The following SKOR2 variants were observed in gnomAD, a reference collection of about 807,000 sequenced individuals.
SKOR2 encodes SKI family transcriptional corepressor 2, also known as LBX1 corepressor 1-like protein.
Under a neutral mutation model 69.1 loss-of-function variants are expected in SKOR2, and 47 were observed. The observed-to-expected ratio is 0.68, with a 90% confidence interval of 0.54 to 0.87. The LOEUF (loss-of-function observed/expected upper bound fraction) is 0.87, where lower values mean the gene tolerates loss of function less well. Among genes scored for constraint, SKOR2 ranks in the 40% least tolerant of loss-of-function variants. SKOR2 has a pLI of 0.00. For synonymous variants in SKOR2, 717 were observed against 672.6 expected (o/e 1.07, Z -1.02); for missense variants, 1,404 against 1,472.2 (o/e 0.95, Z 0.76).
chr18:47,245,495 T>TTTTTTTTTTTTTTTAAATTA lies in SKOR2; in HGVS notation c.2677+2_2677+3insTAATTTAAAAAAAAAAAAAA. The TTTTTTTTTTTTTTTAAATTA allele has an allele frequency of 6.8e-7, 1 of 1,470,346 alleles. No individual in the cohort carries two copies. The highest frequency in any genetic ancestry group is 9.0e-7 in the Non-Finnish European group (1 of 1,116,556). 91.1% of individuals were successfully genotyped at this position (1,470,346 alleles called of 1,614,324 possible). A position where few individuals can be genotyped will look rare whatever the true frequency, so the allele number is the denominator to read the frequency against. ...GGCAGCTGATTTTTTTTTTTTTTTTTACCTGAAAAGCTGTTGTCATCCTTT... is the reference window on the plus strand; with the variant it reads ...GGCAGCTGATTTTTTTTTTTTTTTTTTTTTTTTTTTTTTTAAATTAACCTGAAAAGCTGTTGTCATCCTTT... On this transcript the variant is annotated splice_region_variant and intron_variant, in intron 3 of 8. Coordinates refer to ENST00000425639, the MANE Select transcript of SKOR2 (RefSeq NM_001278063.4).
chr18:47,242,022 TG>T (rs1318066397), intron 4 of SKOR2, among the ~76,000 whole-genome samples: 3 of 152,226 alleles, frequency 2.0e-5, no homozygotes, highest in African/African-American at 7.2e-5. Flanking sequence ...ACACCGATCC[TG>T]ACTGTACTTT....
intron 7 of SKOR2, among the ~76,000 whole-genome samples, chr18:47,212,797 GCT>G (rs2064131715): frequency 6.6e-6 from 1 of 151,774 alleles, no homozygotes; most frequent in South Asian, 2.1e-4. Flanking sequence ...ACATAGGAAG[GCT>G]CTGTCTCTAT....
At chr18:47,240,285 T>C (rs1278500291) in intron 4 of SKOR2, among the ~76,000 whole-genome samples, 1 of 152,208 alleles carries the variant, frequency 6.6e-6, no homozygotes, top group Non-Finnish European at 1.5e-5. Context: ...CTTTGAGCTG[T>C]CTTACCAGCT....
At chr18:47,208,003 T>C (rs937571208) in intron 8 of SKOR2, among the ~76,000 whole-genome samples, 3 of 152,142 alleles carry the variant, frequency 2.0e-5, no homozygotes, top group African/African-American at 7.2e-5. Flanking sequence ...AGAGAGAATA[T>C]AGCAGAAAAT....
chr18:47,249,603 T>C (rs2064303929), intron 1 of SKOR2, among the ~76,000 whole-genome samples: 2 of 152,330 alleles, frequency 1.3e-5, no homozygotes, highest in South Asian at 4.1e-4. Flanking sequence ...TAATAAAAGT[T>C]ACGGAAAACT....
In SKOR2 at chr18:47,247,501, G is replaced by C; in HGVS notation, c.1683C>G (p.Pro561=). 1 of 1,209,490 alleles carries C rather than the reference G, an allele frequency of 8.3e-7. No homozygotes were observed. Among genetic ancestry groups the C allele is most frequent in the Non-Finnish European group, 1.0e-6 (1 of 974,696 alleles). The allele number at this position is 1,209,490 out of a possible 1,614,324, so 74.9% of individuals were successfully genotyped here. A position where few individuals can be genotyped will look rare whatever the true frequency, so the allele number is the denominator to read the frequency against. The change falls in exon 2 of 9, where the codon CCC becomes CCG. Residue 561 remains proline (P), a synonymous_variant. Transcript: ENST00000425639. The surrounding 1 kb of genome is among the most constrained non-coding windows in gnomAD (Gnocchi z 6.6). ...AGSRDALFES[P]PGGSGGDCSA... is the part of the protein sequence containing the mutation. Reference sequence around the variant, plus strand: ...TGCAGTCCCCGCCGCTGCCGCCCGGGGGCGACTCGAAGAGCGCGTCGCGAG... The same window carrying C: ...TGCAGTCCCCGCCGCTGCCGCCCGGCGGCGACTCGAAGAGCGCGTCGCGAG...
chr18:47,250,825 G>T (rs1484313841), intron 1 of SKOR2, among the ~76,000 whole-genome samples: 3 of 152,172 alleles, frequency 2.0e-5, no homozygotes, highest in Non-Finnish European at 2.9e-5. Context: ...AGTTCAAGGC[G>T]CAGTGACACC....
At position 47,246,912 on chromosome 18, in the gene SKOR2, C is replaced by G. The variant is rs1202167822; in HGVS notation, c.2272G>C (p.Glu758Gln). 6.7e-7 allele frequency: 1 copy of G among 1,492,480 alleles called. No individual in the cohort carries two copies. Among genetic ancestry groups the G allele is most frequent in the Admixed American group, 2.2e-5 (1 of 45,516 alleles). The allele number at this position is 1,492,480 out of a possible 1,614,324, so 92.5% of individuals were successfully genotyped here. ...GHKPPEGEEE[E>Q]EGRDPDDDEE... ...TCGTCGTCAGGGTCTCGACCTTCCT[C>G]CTCTTCCTCGCCCTCGGGGGGCTTG... Residue 758 changes from glutamate (E) to glutamine (Q), a missense_variant, in exon 2 of 9, where the codon GAG becomes CAG. Physicochemically the swap from Glu to Gln is conservative, Grantham distance 29. This residue lies in a region of SKOR2 where 1,266 missense variants were observed against 1,309.9 expected (regional missense o/e 0.97). Transcript: ENST00000425639.
intron 7 of SKOR2, among the ~76,000 whole-genome samples, chr18:47,214,361 A>G (rs2064137292): frequency 6.6e-6 from 1 of 152,206 alleles, no homozygotes; most frequent in African/African-American, 2.4e-5. Flanking sequence ...AAATAAGCAT[A>G]TTTGAGTCCC....
chr18:47,251,603 G>C lies in SKOR2; in HGVS notation c.-277C>G, dbSNP rs552160611. On this transcript the variant is annotated 5_prime_UTR_variant, in exon 1 of 9. Transcript: ENST00000425639. ...CCTCCACCGCAGAAAGTGTGGGTAC[G>C]CAGAAACCCGCGGCAGGAGAGCCCC... 7 of 152,280 alleles carry C rather than the reference G, an allele frequency of 4.6e-5. No homozygotes were observed. The highest frequency in any genetic ancestry group is 3.9e-4 in the Admixed American group (6 of 15,308). 9.4% of individuals were successfully genotyped at this position (152,280 alleles called of 1,614,324 possible).
chr18:47,241,957 T>C (rs1487978800), intron 4 of SKOR2, among the ~76,000 whole-genome samples: 1 of 152,182 alleles, frequency 6.6e-6, no homozygotes, highest in Non-Finnish European at 1.5e-5. Context: ...TTATTACCAA[T>C]ATAACTATTG....
At position 47,248,906 on chromosome 18, in the gene SKOR2, T is replaced by C; in HGVS notation, c.278A>G (p.Gln93Arg). 6.4e-7 allele frequency: 1 copy of C among 1,570,688 alleles called. No individual in the cohort carries two copies. Among genetic ancestry groups the C allele is most frequent in the Non-Finnish European group, 8.6e-7 (1 of 1,165,624 alleles). Residue 93 changes from glutamine to arginine, a missense_variant, in exon 2 of 9, where the codon CAG (glutamine) becomes CGG (arginine). Transcript: ENST00000425639. This position sits in a 1 kb window ranked among gnomAD's most constrained non-coding sequence, Gnocchi z 6.4. The part of the protein sequence containing the change: ...RRVALGITCV[Q>R]CTPVQLEILR... Reference sequence around the variant, plus strand: ...GATCTCCAGTTGCACCGGCGTGCACTGCACACACGTGATGCCCAGTGCCAC... The same window carrying C: ...GATCTCCAGTTGCACCGGCGTGCACCGCACACACGTGATGCCCAGTGCCAC...
At chr18:47,210,311 TTTTG>T (rs1206555513) in intron 8 of SKOR2, among the ~76,000 whole-genome samples, 1 of 152,112 alleles carries the variant, frequency 6.6e-6, no homozygotes, top group Non-Finnish European at 1.5e-5. Context: ...TGAGTTTCCT[TTTTG>T]TTTTTGTTTT....
Position 47,247,782 on chromosome 18 carries a change from A to G in SKOR2, c.1402T>C (p.Cys468Arg). 1 of 1,397,532 alleles carries G rather than the reference A, an allele frequency of 7.2e-7. No homozygotes were observed. The highest frequency in any genetic ancestry group is 9.2e-7 in the Non-Finnish European group (1 of 1,083,862). The allele number at this position is 1,397,532 out of a possible 1,614,324, so 86.6% of individuals were successfully genotyped here. ...GRKDAFYPPF[C>R]MFWPPRTPGG... is the part of the protein sequence containing the mutation. ...GGGGTCCGCGGCGGCCAGAACATGC[A>G]GAAGGGCGGATAGAAGGCGTCCTTG... Residue 468 changes from cysteine (C) to arginine (R), a missense_variant, in exon 2 of 9, where the codon TGC becomes CGC. Cys to Arg is a radical substitution (Grantham distance 180). This residue lies in a region of SKOR2 where 1,266 missense variants were observed against 1,309.9 expected (regional missense o/e 0.97). Transcript: ENST00000425639. The surrounding 1 kb of genome is among the most constrained non-coding windows in gnomAD (Gnocchi z 6.6).
intron 7 of SKOR2, among the ~76,000 whole-genome samples, chr18:47,219,120 C>A (rs1432488776): frequency 1.3e-5 from 2 of 152,174 alleles, no homozygotes; most frequent in South Asian, 2.1e-4. Flanking sequence ...CGGATCAGTA[C>A]AGAAATGTCA....
Position 47,247,673 on chromosome 18 carries a change from G to A in SKOR2, c.1511C>T (p.Ala504Val). The A allele has an allele frequency of 7.3e-7, 1 of 1,369,716 alleles. No homozygotes were observed. The highest frequency in any genetic ancestry group is 1.7e-5 in the South Asian group (1 of 58,188). The allele number at this position is 1,369,716 out of a possible 1,614,324, so 84.8% of individuals were successfully genotyped here. Residue 504 changes from alanine (A) to valine (V), a missense_variant, in exon 2 of 9, where the codon GCC (alanine) becomes GTC (valine). This residue lies in a region of SKOR2 where 1,266 missense variants were observed against 1,309.9 expected (regional missense o/e 0.97). Transcript: ENST00000425639. This position sits in a 1 kb window ranked among gnomAD's most constrained non-coding sequence, Gnocchi z 6.6. ...GTCCAGGAAGGCCTGGCGCAGCAGG[G>A]CCGGGCTTTCGCCTAGCGCGCAGCC... ...ALGCALGESP[A>V]LLRQAFLDLA... is the part of the protein sequence containing the mutation.
chr18:47,212,221 T>A, intron 7 of SKOR2, 70 bp from the exon 8 acceptor site: 1 of 1,201,488 alleles, frequency 8.3e-7, no homozygotes. Flanking sequence ...ATGGAGACCC[T>A]TCATCATGCC....
intron 4 of SKOR2, among the ~76,000 whole-genome samples, chr18:47,238,302 AT>A (rs922684353): frequency 1.8e-4 from 27 of 147,396 alleles, no homozygotes; most frequent in African/African-American, 2.0e-4. Flanking sequence ...TTAGTAAATA[AT>A]TTTTTTCTTT....
Position 47,247,548 on chromosome 18 carries a change from G to T in SKOR2, c.1636C>A (p.Pro546Thr), listed in dbSNP as rs978691424. 6 of 1,223,916 alleles carry T rather than the reference G, an allele frequency of 4.9e-6. No homozygotes were observed. Among genetic ancestry groups the T allele is most frequent in the African/African-American group, 1.6e-5 (1 of 63,474 alleles). The allele number at this position is 1,223,916 out of a possible 1,614,324, so 75.8% of individuals were successfully genotyped here. ...CGAGAGCCGGCGCCCCCGGCAGGAG[G>T]AGGTGGGCCGGAGCCCGGGCCGTTG... ...VANGPGSGPP[P>T]PAGGAGSRDA... is the part of the protein sequence containing the mutation. The change falls in exon 2 of 9, where the codon CCT becomes ACT. Residue 546 changes from proline (P) to threonine (T), a missense_variant. Around this residue, in one of 3 missense-constraint regions of SKOR2, gnomAD observed 1,266 missense variants for 1,309.9 expected, o/e 0.97. Coordinates refer to ENST00000425639, the MANE Select transcript of SKOR2 (RefSeq NM_001278063.4). This position sits in a 1 kb window ranked among gnomAD's most constrained non-coding sequence, Gnocchi z 6.6.
Sources: gnomAD v4.1 joint callset for allele counts (sites outside exome capture counted in the v4.1 genomes callset) on GRCh38, gnomAD v4.1.1 for gene constraint, gnomAD v4.1.1 regional missense constraint, Gnocchi (gnomAD v3.1) non-coding constraint, MANE v1.5 for transcripts, NCBI Gene and HGNC (gene_info 2026-07-23, HGNC 2026-07-21) for gene names.